CTNNA3: variants seen among roughly 807,000 people sequenced by gnomAD.
CTNNA3 encodes the protein catenin alpha 3, also known as catenin alpha-3.
In CTNNA3, 76 loss-of-function variants were observed where a neutral mutation model predicts 95.7. That is an observed-to-expected ratio of 0.79 (90% CI 0.66 to 0.96). The LOEUF is 0.96. Ranked by LOEUF, CTNNA3 falls within the 40% of genes least tolerant of loss-of-function variation. CTNNA3 has a pLI of 0.00. For missense variants in CTNNA3, 1,191 were observed against 1,089.8 expected, an observed-to-expected ratio of 1.09 and a Z score of -1.31; for synonymous variants, 431 against 374.4, an observed-to-expected ratio of 1.15 and a Z score of -1.74.
At chr10:66,670,935 T>C (rs1489287004) in intron 9 of CTNNA3, among the ~76,000 whole-genome samples, 1 of 152,236 alleles carries the variant, frequency 6.6e-6, no homozygotes, top group Non-Finnish European at 1.5e-5. Context: ...CTCAAGTGGA[T>C]AACTTCATGG....
chr10:65,933,860 A>C (rs1224909362), intron 17 of CTNNA3, among the ~76,000 whole-genome samples: 1 of 152,150 alleles, frequency 6.6e-6, no homozygotes, highest in Non-Finnish European at 1.5e-5. Flanking sequence ...TGATTGGTCT[A>C]GAGGTGTTTC....
chr10:66,251,815 C>T (rs1287987911), intron 13 of CTNNA3, among the ~76,000 whole-genome samples: 2 of 152,042 alleles, frequency 1.3e-5, no homozygotes, highest in Non-Finnish European at 2.9e-5. Context: ...GCCAGGGTTC[C>T]AAGAGCTTAA....
intron 11 of CTNNA3, among the ~76,000 whole-genome samples, chr10:66,517,598 C>G (rs1840909468): frequency 6.6e-6 from 1 of 151,988 alleles, no homozygotes; most frequent in Non-Finnish European, 1.5e-5. Flanking sequence ...AATAATCCAC[C>G]CCTTGTTTAG....
chr10:66,905,485 G>A (rs1039606878), intron 7 of CTNNA3, among the ~76,000 whole-genome samples: 5 of 152,084 alleles, frequency 3.3e-5, no homozygotes, highest in Non-Finnish European at 2.9e-5. Context: ...AAACCTACAT[G>A]TTGTACACAT....
chr10:65,943,148 C>T (rs1164644556), intron 17 of CTNNA3, among the ~76,000 whole-genome samples: 1 of 151,654 alleles, frequency 6.6e-6, no homozygotes, highest in Non-Finnish European at 1.5e-5. Flanking sequence ...ACTGCAAGCT[C>T]CGCCTCCTGG....
intron 9 of CTNNA3, among the ~76,000 whole-genome samples, chr10:66,757,955 G>A (rs1040993342): frequency 6.6e-6 from 1 of 151,938 alleles, no homozygotes; most frequent in Non-Finnish European, 1.5e-5. Context: ...GATATAATGA[G>A]GTAATGAGTG....
intron 2 of CTNNA3, among the ~76,000 whole-genome samples, chr10:67,614,763 C>G (rs187201373): frequency 6.6e-6 from 1 of 152,268 alleles, no homozygotes; most frequent in East Asian, 1.9e-4. Flanking sequence ...TTGGGGACCC[C>G]TGGGTTAAAC....
chr10:65,979,182 A>C (rs1029339741), intron 16 of CTNNA3, among the ~76,000 whole-genome samples: 10 of 152,092 alleles, frequency 6.6e-5, no homozygotes, highest in African/African-American at 2.2e-4. Flanking sequence ...TTTTATTTTC[A>C]ACTTGGTTTG....
chr10:66,172,099 A>G (rs1381723878), intron 13 of CTNNA3, among the ~76,000 whole-genome samples: 1 of 152,118 alleles, frequency 6.6e-6, no homozygotes, highest in African/African-American at 2.4e-5. Flanking sequence ...GTTGCCCTGA[A>G]TTACATGTAT....
At chr10:67,575,338 G>A (rs1842107780) in intron 3 of CTNNA3, among the ~76,000 whole-genome samples, 1 of 87,726 alleles carries the variant, frequency 1.1e-5, no homozygotes, top group African/African-American at 9.1e-5. Flanking sequence ...CCTTTCAATT[G>A]TGTGTTTTGA....
At position 66,155,535 on chromosome 10, in the gene CTNNA3, A is replaced by G. The variant is rs530897207; in HGVS notation, c.1885-52286T>C. Among the ~76,000 whole-genome samples the G allele has an allele frequency of 1.4e-4, 22 of 151,996 alleles. 2 individuals are homozygous for G. The South Asian group carries it at 4.4e-3, about 30-fold the overall frequency. ...AACTGATCAATGGAAAAAAGTCCAG[A>G]AACAAACCCACACACGTTCCTGATC... On this transcript the variant is annotated intron_variant, in intron 13 of 17. Coordinates refer to ENST00000433211, the MANE Select transcript of CTNNA3 (RefSeq NM_013266.4).
chr10:66,854,829 T>C (rs1346521959), intron 7 of CTNNA3, among the ~76,000 whole-genome samples: 2 of 151,624 alleles, frequency 1.3e-5, no homozygotes, highest in South Asian at 4.2e-4. Flanking sequence ...AACACGAAGA[T>C]AGTGCGGTCT....
intron 13 of CTNNA3, among the ~76,000 whole-genome samples, chr10:66,131,049 A>C (rs1350720257): frequency 6.9e-6 from 1 of 145,954 alleles, no homozygotes; most frequent in South Asian, 2.2e-4. Context: ...TAATTGAATC[A>C]GTAATAAATT....
chr10:66,185,355 ATAGT>A (rs1160535439), intron 13 of CTNNA3, among the ~76,000 whole-genome samples: 2 of 152,076 alleles, frequency 1.3e-5, no homozygotes, highest in Non-Finnish European at 2.9e-5. Context: ...CCCCCACTTA[ATAGT>A]TAGGATACCT....
At chr10:66,009,903 G>A (rs563172368) in intron 15 of CTNNA3, among the ~76,000 whole-genome samples, 2 of 152,284 alleles carry the variant, frequency 1.3e-5, no homozygotes, top group East Asian at 3.9e-4. Flanking sequence ...TATACGTGTC[G>A]AGAGATGAAT....
chr10:67,316,879 C>T lies in CTNNA3; in HGVS notation c.580-97009G>A, dbSNP rs1904622. Among the ~76,000 whole-genome samples the T allele has an allele frequency of 0.016, 2,451 of 152,156 alleles. 169 individuals carry two copies. In the East Asian group the frequency reaches 0.18, roughly 11 times the overall value. On this transcript the variant is annotated intron_variant, in intron 5 of 17. Coordinates refer to ENST00000433211, the MANE Select transcript of CTNNA3 (RefSeq NM_013266.4). ...ATAATTAAGTAGCTCTGAACTTAAC[C>T]TTTCAAAATTTATTCTAAAGGGTTT...
At chr10:66,953,896 G>A (rs1429140637) in intron 7 of CTNNA3, among the ~76,000 whole-genome samples, 1 of 152,094 alleles carries the variant, frequency 6.6e-6, no homozygotes, top group Non-Finnish European at 1.5e-5. Context: ...CACCCATTCT[G>A]AACCTTCATT....
chr10:66,069,680 G>A (rs1019190166), intron 14 of CTNNA3, among the ~76,000 whole-genome samples, 191 bp from the exon 15 acceptor site: 1 of 152,052 alleles, frequency 6.6e-6, no homozygotes, highest in Non-Finnish European at 1.5e-5. Flanking sequence ...ATAATAGTTT[G>A]CTCTAGAACT....
intron 7 of CTNNA3, among the ~76,000 whole-genome samples, chr10:67,057,240 CAATT>C (rs1304491635): frequency 2.0e-5 from 3 of 152,064 alleles, no homozygotes; most frequent in African/African-American, 7.2e-5. Flanking sequence ...TTGCCACAAT[CAATT>C]AATATATCTA....
Sources: allele counts gnomAD v4.1 joint callset (sites outside exome capture counted in the v4.1 genomes callset), GRCh38; gene constraint gnomAD v4.1.1; transcripts MANE v1.5; gene names NCBI Gene and HGNC (gene_info 2026-07-23, HGNC 2026-07-21).